The following NAV3 variants were observed in gnomAD, a reference collection of about 807,000 sequenced individuals.
NAV3 encodes the protein pore membrane and/or filament interacting like protein 1.
In NAV3, 87 loss-of-function variants were observed where a neutral mutation model predicts 244.7. That is an observed-to-expected ratio of 0.36 (90% CI 0.30 to 0.42). The LOEUF (loss-of-function observed/expected upper bound fraction) is 0.42, where lower values mean the gene tolerates loss of function less well. Among genes scored for constraint, NAV3 ranks in the 20% least tolerant of loss-of-function variants. The pLI is 1.00. For synonymous variants in NAV3, 1,126 were observed against 1,042.2 expected, an observed-to-expected ratio of 1.08 and a Z score of -1.55; for missense variants, 2,663 against 2,893.3, an observed-to-expected ratio of 0.92 and a Z score of 1.83.
At chr12:78,052,559 C>A (rs921111952) in intron 11 of NAV3, among the ~76,000 whole-genome samples, 1 of 152,178 alleles carries the variant, frequency 6.6e-6, no homozygotes, top group Non-Finnish European at 1.5e-5. Flanking sequence ...TGGCATGATA[C>A]AAGCACTCAA....
At chr12:77,989,824 C>A (rs2136342278) in intron 5 of NAV3, among the ~76,000 whole-genome samples, 1 of 152,216 alleles carries the variant, frequency 6.6e-6, no homozygotes, top group East Asian at 1.9e-4. Flanking sequence ...AGATAAATTA[C>A]TTTCTAAAGG....
intron 1 of NAV3, among the ~76,000 whole-genome samples, chr12:77,891,022 T>A (rs982065045): frequency 8.5e-5 from 13 of 152,090 alleles, no homozygotes; most frequent in African/African-American, 1.4e-4. Context: ...CCTTTTTTTT[T>A]AAGTAAGATT....
chr12:77,722,479 G>A (rs1876682678), intron 2 of NAV3, among the ~76,000 whole-genome samples: 1 of 152,042 alleles, frequency 6.6e-6, no homozygotes, highest in Admixed American at 6.6e-5. Flanking sequence ...CATTATGCTG[G>A]TATAGCTGTT....
chr12:77,619,443 C>T (rs904912123), intron 2 of NAV3, among the ~76,000 whole-genome samples: 7 of 152,236 alleles, frequency 4.6e-5, no homozygotes, highest in Non-Finnish European at 7.4e-5. Context: ...TTTCCATTTG[C>T]GTTGACAATT....
chr12:77,998,305 A>G (rs754969797), intron 6 of NAV3, 32 bp from the exon 7 acceptor site: 2 of 1,525,794 alleles, frequency 1.3e-6, no homozygotes, highest in East Asian at 2.4e-5. Flanking sequence ...GTAATGTACA[A>G]TAATGATGTA....
chr12:78,189,695 C>A (rs1422504943), intron 33 of NAV3, among the ~76,000 whole-genome samples: 2 of 151,772 alleles, frequency 1.3e-5, no homozygotes, highest in Non-Finnish European at 2.9e-5. Flanking sequence ...ATTTATAATG[C>A]TTCCATTTCT....
rs138710398 is a variant in NAV3, at chr12:78,077,176, A to C, written c.2636+18061A>C. Reference sequence around the variant, plus strand: ...ATTCTTCATTTGTTTTTACTCCTTGATACTAATTCTGTAAAATAATGAAAA... The same window carrying C: ...ATTCTTCATTTGTTTTTACTCCTTGCTACTAATTCTGTAAAATAATGAAAA... On this transcript the variant is annotated intron_variant, in intron 12 of 39. Transcript: ENST00000397909. Among the ~76,000 whole-genome samples, 435 of 152,072 alleles carry C rather than the reference A, an allele frequency of 2.9e-3. 4 individuals carry two copies. Among genetic ancestry groups the C allele is most frequent in the African/African-American group, 0.01 (418 of 41,474 alleles).
At chr12:77,634,513 G>A (rs1026721328) in intron 2 of NAV3, among the ~76,000 whole-genome samples, 1 of 152,168 alleles carries the variant, frequency 6.6e-6, no homozygotes, top group Non-Finnish European at 1.5e-5. Context: ...ACAGTCAGTT[G>A]TAAGCAAGAT....
chr12:78,118,088 T>G lies in NAV3; in HGVS notation c.2831T>G (p.Leu944Arg). The G allele has an allele frequency of 1.2e-6, 2 of 1,614,030 alleles. No individual in the cohort carries two copies. The highest frequency in any genetic ancestry group is 1.7e-6 in the Non-Finnish European group (2 of 1,179,982). Reference protein sequence around the residue: ...TDETWDSPEELKKPEEDFDSH... With the variant: ...TDETWDSPEERKKPEEDFDSH... ...GAGACCTGGGATAGTCCTGAGGAAC[T>G]GAAAAAACCAGAAGAAGATTTTGAC... is the stretch of plus-strand genomic sequence containing the variant. The change falls in exon 14 of 40, where the codon CTG becomes CGG. Residue 944 changes from leucine to arginine, a missense_variant. Leu to Arg is a moderately radical substitution (Grantham distance 102, BLOSUM62 -2). Transcript: ENST00000397909.
chr12:78,021,871 C>T lies in NAV3; in HGVS notation c.2023+9C>T, dbSNP rs773936287. On this transcript the variant is annotated intron_variant, in intron 9 of 39. Coordinates refer to ENST00000397909, the MANE Select transcript of NAV3 (RefSeq NM_001024383.2). ...CCTGGAGGAGATATCTGGTAAGTGACCTCATCGATGCATAGGTCAAACCTA... is the reference window on the plus strand; with the variant it reads ...CCTGGAGGAGATATCTGGTAAGTGATCTCATCGATGCATAGGTCAAACCTA... The T allele has an allele frequency of 2.9e-5, 45 of 1,547,450 alleles. No individual in the cohort carries two copies. The highest frequency in any genetic ancestry group is 2.3e-4 in the Admixed American group (13 of 57,752).
At chr12:77,999,827 T>C (rs1872935235) in intron 7 of NAV3, among the ~76,000 whole-genome samples, 1 of 152,080 alleles carries the variant, frequency 6.6e-6, no homozygotes, top group Non-Finnish European at 1.5e-5. Context: ...CTAACTTTTC[T>C]AAAAAATATT....
intron 31 of NAV3, among the ~76,000 whole-genome samples, chr12:78,186,983 G>T (rs921274562): frequency 6.6e-6 from 1 of 151,778 alleles, no homozygotes; most frequent in African/African-American, 2.4e-5. Context: ...CATCATGAAA[G>T]TCCCACCATT....
At chr12:78,066,614 T>C (rs2137541886) in intron 12 of NAV3, among the ~76,000 whole-genome samples, 1 of 152,272 alleles carries the variant, frequency 6.6e-6, no homozygotes, top group Non-Finnish European at 1.5e-5. Flanking sequence ...TAAACTATAT[T>C]CCTAAATATA....
chr12:77,601,201 T>A (rs1160001881), intron 2 of NAV3, among the ~76,000 whole-genome samples: 1 of 151,966 alleles, frequency 6.6e-6, no homozygotes, highest in Non-Finnish European at 1.5e-5. Context: ...TCAGGTGAGA[T>A]AACTGAAGCT....
At chr12:77,741,148 C>CAAAAAAAAAAAAAAAAAAAAAAAGA in intron 2 of NAV3, among the ~76,000 whole-genome samples, 3 of 68,666 alleles carry the variant, frequency 4.4e-5, no homozygotes, top group Non-Finnish European at 8.0e-5. Context: ...AAAAAAAAGA[C>CAAAAAAAAAAAAAAAAAAAAAAAGA]AAAAAAAAAA....
intron 2 of NAV3, among the ~76,000 whole-genome samples, chr12:77,801,195 G>T (rs1374135977): frequency 4.6e-5 from 7 of 152,134 alleles, no homozygotes; most frequent in Admixed American, 6.5e-5. Context: ...ATATAGGACA[G>T]CAACCTGGCA....
intron 12 of NAV3, among the ~76,000 whole-genome samples, chr12:78,073,959 ATAT>A (rs1952916606): frequency 6.6e-6 from 1 of 152,228 alleles, no homozygotes; most frequent in African/African-American, 2.4e-5. Flanking sequence ...TCATACTCAA[ATAT>A]TATACTAGCT....
At chr12:78,176,735 T>A (rs1958243293) in intron 26 of NAV3, among the ~76,000 whole-genome samples, 1 of 152,118 alleles carries the variant, frequency 6.6e-6, no homozygotes, top group Admixed American at 6.6e-5. Flanking sequence ...TAGGTGAATT[T>A]GATTTCATTT....
At chr12:77,849,705 C>G (rs114749026) in intron 1 of NAV3, among the ~76,000 whole-genome samples, 1,823 of 152,282 alleles carry the variant, frequency 0.012, 31 homozygotes, top group African/African-American at 0.042. Context: ...AGAAGCACTT[C>G]TGGTCCCAAG....
Sources: gnomAD v4.1 joint callset for allele counts (sites outside exome capture counted in the v4.1 genomes callset) on GRCh38, gnomAD v4.1.1 for gene constraint, MANE v1.5 for transcripts, NCBI Gene and HGNC (gene_info 2026-07-23, HGNC 2026-07-21) for gene names.